Variants in CLSTN3 observed in about 807,000 individuals in gnomAD.
CLSTN3 encodes the protein calsyntenin 3.
A neutral mutation model predicts 95.9 loss-of-function variants in CLSTN3; 36 were observed. The ratio of observed to expected loss-of-function variants is 0.38; its 90% confidence interval spans 0.29 to 0.50. CLSTN3 has a LOEUF of 0.50. Ranked by LOEUF, CLSTN3 falls within the 20% of genes least tolerant of loss-of-function variation. CLSTN3 has a pLI of 0.95. For missense variants in CLSTN3, 1,084 were observed against 1,268.8 expected (o/e 0.85, Z 2.21); for synonymous variants, 481 against 504.0 (o/e 0.95, Z 0.61).
chr12:7,137,234 C>A lies in CLSTN3; in HGVS notation c.1210+124C>A. The A allele has an allele frequency of 1.0e-6, 1 of 957,018 alleles. No individual in the cohort carries two copies. The highest frequency in any genetic ancestry group is 1.5e-6 in the Non-Finnish European group (1 of 653,220). 59.3% of individuals were successfully genotyped at this position (957,018 alleles called of 1,614,324 possible). A position where few individuals can be genotyped will look rare whatever the true frequency, so the allele number is the denominator to read the frequency against. On this transcript the variant is annotated intron_variant, in intron 7 of 17. Coordinates refer to ENST00000266546, the MANE Select transcript of CLSTN3 (RefSeq NM_014718.4). The surrounding 1 kb of genome is among the most constrained non-coding windows in gnomAD (Gnocchi z 4.4). ...TCTCTTCATTTGTGAGGTGCAAGTG[C>A]CAGGTGTGATATGCCTTGATTCTGT...
chr12:7,137,931 C>T lies in CLSTN3; in HGVS notation c.1211-24C>T. 6.3e-7 allele frequency: 1 copy of T among 1,585,308 alleles called. No homozygotes were observed. Among genetic ancestry groups the T allele is most frequent in the East Asian group, 2.2e-5 (1 of 44,594 alleles). Reference sequence around the variant, plus strand: ...TCTGGCCTCAGCCTCTGCACTTGACCCCATCCCCTTCCTGTGCCCTCAGAG... The same window carrying T: ...TCTGGCCTCAGCCTCTGCACTTGACTCCATCCCCTTCCTGTGCCCTCAGAG... On this transcript the variant is annotated intron_variant, in intron 7 of 17. Transcript: ENST00000266546. This position sits in a 1 kb window ranked among gnomAD's most constrained non-coding sequence, Gnocchi z 4.4.
At chr12:7,148,188 G>C (rs866207855) in intron 12 of CLSTN3, among the ~76,000 whole-genome samples, 1 of 124,366 alleles carries the variant, frequency 8.0e-6, no homozygotes, top group Non-Finnish European at 1.7e-5. Flanking sequence ...AAGAAAGAAA[G>C]AAAGAAAGAA....
chr12:7,136,326 C>T lies in CLSTN3; in HGVS notation c.863C>T (p.Thr288Ile). Residue 288 changes from threonine (T) to isoleucine (I), a missense_variant, in exon 6 of 18, where the codon ACC becomes ATC. Coordinates refer to ENST00000266546, the MANE Select transcript of CLSTN3 (RefSeq NM_014718.4). ...ATTCAGGCCACCATAGAGCTGCAGACCAGCCATGTGGCCAAGGGCTGTGAC... is the reference window on the plus strand; with the variant it reads ...ATTCAGGCCACCATAGAGCTGCAGATCAGCCATGTGGCCAAGGGCTGTGAC... ...WNIQATIELQ[T>I]SHVAKGCDRD... is the part of the protein sequence containing the mutation. 6.2e-7 allele frequency: 1 copy of T among 1,614,184 alleles called. No individual in the cohort carries two copies. The highest frequency in any genetic ancestry group is 1.6e-4 in the Middle Eastern group (1 of 6,062).
At position 7,157,403 on chromosome 12, in the gene CLSTN3, C is replaced by A; in HGVS notation, c.2528-86C>A. On this transcript the variant is annotated intron_variant, in intron 16 of 17. Coordinates refer to ENST00000266546, the MANE Select transcript of CLSTN3 (RefSeq NM_014718.4). This position sits in a 1 kb window ranked among gnomAD's most constrained non-coding sequence, Gnocchi z 5.9. ...TGCCCTGGGAGTCCTTCAGCCCGGG[C>A]TGCCTCTTTTCCTACCCAGCCCCCT... The A allele has an allele frequency of 8.2e-7, 1 of 1,215,616 alleles. No individual in the cohort carries two copies. Among genetic ancestry groups the A allele is most frequent in the Non-Finnish European group, 1.1e-6 (1 of 886,048 alleles). The allele number at this position is 1,215,616 out of a possible 1,614,324, so 75.3% of individuals were successfully genotyped here. A position where few individuals can be genotyped will look rare whatever the true frequency, so the allele number is the denominator to read the frequency against.
In CLSTN3 at chr12:7,142,922, G is replaced by T. The variant is rs376009242; in HGVS notation, c.1594G>T (p.Val532Leu). The change falls in exon 11 of 18, where the codon GTG becomes TTG. Residue 532 changes from valine (V) to leucine (L), a missense_variant. Val to Leu is a conservative substitution (Grantham distance 32, BLOSUM62 1). Coordinates refer to ENST00000266546, the MANE Select transcript of CLSTN3 (RefSeq NM_014718.4). ...CCATGGCTACCTGGCTGGTTTCAGCGTGCGCTCAGGTCGCCTGGAGAGCCG... is the reference window on the plus strand; with the variant it reads ...CCATGGCTACCTGGCTGGTTTCAGCTTGCGCTCAGGTCGCCTGGAGAGCCG... ...YFHGYLAGFS[V>L]RSGRLESREV... 4 of 1,613,920 alleles carry T rather than the reference G, an allele frequency of 2.5e-6. No individual in the cohort carries two copies.
rs1939680141 is a variant in CLSTN3 at position 7,149,243 on chromosome 12, G to C, written c.2074+45G>C. ...GTAACACCATCCAGAGAACCAGCCAGTGTCTGGAGTCAGAGTGTGGGAGAA... is the reference window on the plus strand; with the variant it reads ...GTAACACCATCCAGAGAACCAGCCACTGTCTGGAGTCAGAGTGTGGGAGAA... On this transcript the variant is annotated intron_variant, in intron 13 of 17. Transcript: ENST00000266546. The surrounding 1 kb of genome is among the most constrained non-coding windows in gnomAD (Gnocchi z 4.5). 7 of 1,521,838 alleles carry C rather than the reference G, an allele frequency of 4.6e-6. No homozygotes were observed. The highest frequency in any genetic ancestry group is 6.3e-6 in the Non-Finnish European group (7 of 1,102,928). The allele number at this position is 1,521,838 out of a possible 1,614,324, so 94.3% of individuals were successfully genotyped here.
intron 12 of CLSTN3, 149 bp from the exon 13 acceptor site, chr12:7,148,823 C>A: frequency 1.5e-6 from 1 of 661,724 alleles, no homozygotes; most frequent in Non-Finnish European, 2.6e-6. Flanking sequence ...GGTTGGGATG[C>A]AGAGGCATGA....
At position 7,157,061 on chromosome 12, in the gene CLSTN3, C is replaced by T. The variant is rs2135821238; in HGVS notation, c.2528-428C>T. The T allele has an allele frequency of 2.8e-6, 1 of 357,946 alleles. No individual in the cohort carries two copies. Among genetic ancestry groups the T allele is most frequent in the South Asian group, 2.1e-5 (1 of 46,824 alleles). The allele number at this position is 357,946 out of a possible 1,614,324, so 22.2% of individuals were successfully genotyped here. On this transcript the variant is annotated intron_variant, in intron 16 of 17. Transcript: ENST00000266546. This position sits in a 1 kb window ranked among gnomAD's most constrained non-coding sequence, Gnocchi z 5.9. The stretch of plus-strand genomic sequence containing the variant: ...CTGCTCAGCCAAGCCCGTGTGGGGG[C>T]CCCTCCTCTCCCTCACTGGGCACTG...
intron 8 of CLSTN3, among the ~76,000 whole-genome samples, chr12:7,139,060 A>G (rs1000942577): frequency 5.9e-5 from 9 of 152,174 alleles, no homozygotes; most frequent in African/African-American, 2.2e-4. Flanking sequence ...ATCAACCAGT[A>G]TCTATTAAAT....
At chr12:7,142,270 G>T in intron 10 of CLSTN3, 131 bp downstream of exon 10, 1 of 734,572 alleles carries the variant, frequency 1.4e-6, no homozygotes. Context: ...GAGCCTCCAA[G>T]AAATACAGCA....
rs912418651 is a variant in CLSTN3 at position 7,141,145 on chromosome 12, A to T, written c.1324-97A>T. On this transcript the variant is annotated intron_variant, in intron 8 of 17. Transcript: ENST00000266546. The surrounding 1 kb of genome is among the most constrained non-coding windows in gnomAD (Gnocchi z 4.1). ...TGTTGGTAGAACTGGGAATAAAGGGACTGTCCCCTGTCTCCCAGGAGATGG... is the reference window on the plus strand; with the variant it reads ...TGTTGGTAGAACTGGGAATAAAGGGTCTGTCCCCTGTCTCCCAGGAGATGG... The T allele has an allele frequency of 3.9e-6, 5 of 1,297,982 alleles. No homozygotes were observed. The Admixed American group carries it at 1.1e-4, about 29-fold the overall frequency. 80.4% of individuals were successfully genotyped at this position (1,297,982 alleles called of 1,614,324 possible).
At position 7,157,710 on chromosome 12, in the gene CLSTN3, C is replaced by T. The variant is rs117949904; in HGVS notation, c.2730+19C>T. 18,984 of 1,556,724 alleles carry T rather than the reference C, an allele frequency of 0.012. 126 individuals are homozygous for T. Among genetic ancestry groups the T allele is most frequent in the Non-Finnish European group, 0.015 (17,359 of 1,149,498 alleles). ...CATGGAGGTGAGAGGCCTGGGGAAG[C>T]GGGGTTCTGTAGGGTCAAGACTGTG... On this transcript the variant is annotated intron_variant, in intron 17 of 17. Coordinates refer to ENST00000266546, the MANE Select transcript of CLSTN3 (RefSeq NM_014718.4). This position sits in a 1 kb window ranked among gnomAD's most constrained non-coding sequence, Gnocchi z 5.9.
Position 7,130,707 on chromosome 12 carries a change from A to G in CLSTN3, c.59A>G (p.Asn20Ser), listed in dbSNP as rs771890014. 32 of 1,558,756 alleles carry G rather than the reference A, an allele frequency of 2.1e-5. No homozygotes were observed. The South Asian group carries it at 3.4e-4, about 17-fold the overall frequency. The change falls in exon 1 of 18, where the codon AAC (asparagine) becomes AGC (serine). Residue 20 changes from asparagine to serine, a missense_variant. Transcript: ENST00000266546. ...LASLLASCSC[N>S]KANKHKPWIE... ...TCTCTGCTCGCGTCCTGCTCCTGTA[A>G]CAAAGGTGAGTGAGGTGGGGGTGGG...
At chr12:7,152,163 C>G (rs181344402) in intron 16 of CLSTN3, among the ~76,000 whole-genome samples, 89 of 150,808 alleles carry the variant, frequency 5.9e-4, no homozygotes, top group African/African-American at 2.1e-3. Flanking sequence ...AGTCTTTTTT[C>G]TATGCTTAAT....
At chr12:7,131,659 G>T (rs1939303537) in intron 1 of CLSTN3, 2 of 408,398 alleles carry the variant, frequency 4.9e-6, no homozygotes, top group Non-Finnish European at 9.9e-6. Flanking sequence ...AGACAAGCAG[G>T]GTGGGAGGGG....
chr12:7,145,022 G>A (rs1454195426), intron 12 of CLSTN3, among the ~76,000 whole-genome samples: 1 of 152,180 alleles, frequency 6.6e-6, no homozygotes, highest in African/African-American at 2.4e-5. Context: ...CCAAGGCATT[G>A]CCTCGTCCCC....
chr12:7,136,007 TCTTTCTGTC>T, intron 5 of CLSTN3, 54 bp downstream of exon 5: 1 of 1,557,398 alleles, frequency 6.4e-7, no homozygotes, highest in Non-Finnish European at 8.7e-7. Flanking sequence ...TCTTGGTCTC[TCTTTCTGTC>T]CTTTCTGACA....
intron 16 of CLSTN3, chr12:7,155,845 T>C (rs1269116981): frequency 1.6e-5 from 3 of 191,002 alleles, no homozygotes; most frequent in Non-Finnish European, 3.3e-5. Flanking sequence ...CTCAGGGAGG[T>C]GTGTGGCCTG....
intron 12 of CLSTN3, among the ~76,000 whole-genome samples, chr12:7,143,614 A>G (rs2135805991): frequency 6.6e-6 from 1 of 152,254 alleles, no homozygotes; most frequent in South Asian, 2.1e-4. Context: ...GGGACACAGG[A>G]TTGGGAGTGG....
Sources: gnomAD v4.1 joint callset for allele counts (sites outside exome capture counted in the v4.1 genomes callset) on GRCh38, gnomAD v4.1.1 for gene constraint, Gnocchi (gnomAD v3.1) non-coding constraint, MANE v1.5 for transcripts, NCBI Gene and HGNC (gene_info 2026-07-23, HGNC 2026-07-21) for gene names.